Variants in PDE11A observed in about 807,000 individuals in gnomAD.
The protein encoded by PDE11A is phosphodiesterase 11A, also known as dual 3',5'-cyclic-AMP and -GMP phosphodiesterase 11A.
Under a neutral mutation model 100.5 loss-of-function variants are expected in PDE11A, and 100 were observed. The ratio of observed to expected loss-of-function variants is 1.00; its 90% CI spans 0.85 to 1.18. PDE11A has a LOEUF of 1.18. PDE11A is among the 50% of genes most tolerant of loss of function. The probability of loss-of-function intolerance (pLI) is 0.00; values close to 1 mark genes in which losing one functional copy is unlikely to be tolerated. For synonymous variants in PDE11A, 381 were observed against 420.8 expected (o/e 0.91, Z 1.16); for missense variants, 1,141 against 1,152.6 (o/e 0.99, Z 0.15).
At chr2:178,037,159 C>G (rs984819498) in intron 1 of PDE11A, among the ~76,000 whole-genome samples, 10 of 152,244 alleles carry the variant, frequency 6.6e-5, no homozygotes, top group Admixed American at 3.9e-4. Context: ...CTACCAGGAA[C>G]TTAAACAAAT....
intron 9 of PDE11A, among the ~76,000 whole-genome samples, chr2:177,788,244 C>T (rs1190542809): frequency 6.7e-6 from 1 of 150,286 alleles, no homozygotes; most frequent in South Asian, 2.1e-4. Flanking sequence ...TCACTCAAAA[C>T]CGCTCAACTA....
In PDE11A at chr2:178,035,835, G is replaced by A. The variant is rs555468707; in HGVS notation, c.913-21375C>T. ...TTCAATAAAATTCAACAGCCCTTACGCTAAAAACTCAGTAAACTAGGTATT... is the reference window on the plus strand; with the variant it reads ...TTCAATAAAATTCAACAGCCCTTACACTAAAAACTCAGTAAACTAGGTATT... On this transcript the variant is annotated intron_variant, in intron 1 of 19. Transcript: ENST00000286063. Among the ~76,000 whole-genome samples, 14 of 152,086 alleles carry A rather than the reference G, an allele frequency of 9.2e-5. No homozygotes were observed. The East Asian group carries it at 1.9e-3, about 21-fold the overall frequency.
intron 2 of PDE11A, among the ~76,000 whole-genome samples, chr2:177,932,875 A>T (rs977452705): frequency 2.0e-5 from 3 of 152,186 alleles, no homozygotes; most frequent in Admixed American, 1.3e-4. Context: ...AAGAAGTCAA[A>T]CTATCTCTTT....
rs572089173 is a variant in PDE11A at position 178,080,248 on chromosome 2, A to G, written c.162+24054T>C. The stretch of plus-strand genomic sequence containing the variant: ...GCCTATGTCTTGAATGGTATTGCTT[A>G]GATTTTCTTCTAGGGTTTTTATGGT... On this transcript the variant is annotated intron_variant, in intron 2 of 20. Coordinates refer to the PDE11A transcript ENST00000358450. Among the ~76,000 whole-genome samples, 189 of 152,270 alleles carry G rather than the reference A, an allele frequency of 1.2e-3. 4 individuals carry two copies. In the South Asian group the frequency reaches 0.039, roughly 31 times the overall value.
Position 177,833,739 on chromosome 2 carries a change from A to G in PDE11A, c.1500+6512T>C, listed in dbSNP as rs537667187. Among the ~76,000 whole-genome samples, 4 of 152,334 alleles carry G rather than the reference A, an allele frequency of 2.6e-5. No homozygotes were observed. The South Asian group carries it at 8.3e-4, about 32-fold the overall frequency. On this transcript the variant is annotated intron_variant, in intron 6 of 19. Transcript: ENST00000286063. ...GAATTGGGGTCAGTAAAAAGAATTC[A>G]TTGCCAGAATTAGCCACTGAGCTAT...
At chr2:177,768,920 G>T (rs1226641472) in intron 10 of PDE11A, among the ~76,000 whole-genome samples, 1 of 152,156 alleles carries the variant, frequency 6.6e-6, no homozygotes, top group Non-Finnish European at 1.5e-5. Flanking sequence ...CACACAGCAA[G>T]CACTTAGTGT....
chr2:177,696,011 G>A (rs544072709), intron 15 of PDE11A, among the ~76,000 whole-genome samples: 6 of 152,284 alleles, frequency 3.9e-5, no homozygotes, highest in East Asian at 3.9e-4. Context: ...GGCACAGGGG[G>A]CATTACACAG....
intron 12 of PDE11A, among the ~76,000 whole-genome samples, chr2:177,723,839 G>T (rs1389334950): frequency 1.3e-5 from 2 of 152,002 alleles, no homozygotes; most frequent in Non-Finnish European, 2.9e-5. Flanking sequence ...CGAAAAAAAT[G>T]TCTCTGCAAC....
chr2:177,989,214 G>A (rs1286204498), intron 2 of PDE11A, among the ~76,000 whole-genome samples: 4 of 152,146 alleles, frequency 2.6e-5, no homozygotes, highest in African/African-American at 4.8e-5. Context: ...ATGACAATAT[G>A]AGCAATCTAC....
intron 1 of PDE11A, among the ~76,000 whole-genome samples, chr2:178,054,468 C>T (rs1033614076): frequency 4.6e-5 from 7 of 152,132 alleles, no homozygotes; most frequent in African/African-American, 1.4e-4. Context: ...ATACCAAAAG[C>T]AATGGTAACA....
chr2:178,104,504 C>T, intron 1 of PDE11A: 1 of 1,577,606 alleles, frequency 6.3e-7, no homozygotes, highest in Non-Finnish European at 8.7e-7. Context: ...AACCACAAAC[C>T]AAAAAAATAT....
chr2:177,819,527 T>G (rs2083099715), intron 7 of PDE11A, among the ~76,000 whole-genome samples: 1 of 152,060 alleles, frequency 6.6e-6, no homozygotes, highest in South Asian at 2.1e-4. Flanking sequence ...GGCTTCTTTC[T>G]TGAATTTGAT....
At chr2:177,924,677 T>C (rs1013261788) in intron 2 of PDE11A, among the ~76,000 whole-genome samples, 1 of 152,092 alleles carries the variant, frequency 6.6e-6, no homozygotes, top group African/African-American at 2.4e-5. Context: ...CACAAATATA[T>C]ATCTTTATGG....
At chr2:178,021,019 T>C (rs1574346997) in intron 1 of PDE11A, among the ~76,000 whole-genome samples, 1 of 148,904 alleles carries the variant, frequency 6.7e-6, no homozygotes, top group East Asian at 2.0e-4. Flanking sequence ...TGGAGTGCAA[T>C]GGTGCAATCT....
intron 2 of PDE11A, among the ~76,000 whole-genome samples, chr2:178,087,826 G>GA (rs1165869389): frequency 1.3e-5 from 2 of 152,132 alleles, no homozygotes; most frequent in Non-Finnish European, 2.9e-5. Context: ...GAGTAGGGAG[G>GA]AAGGATATGG....
intron 2 of PDE11A, among the ~76,000 whole-genome samples, chr2:178,090,438 T>A (rs1480241529): frequency 6.6e-6 from 1 of 152,226 alleles, no homozygotes; most frequent in Non-Finnish European, 1.5e-5. Flanking sequence ...ATTTTTTTAA[T>A]GGAAATCTAC....
intron 5 of PDE11A, among the ~76,000 whole-genome samples, chr2:177,840,829 G>T (rs1359019328): frequency 6.6e-6 from 1 of 152,156 alleles, no homozygotes; most frequent in Non-Finnish European, 1.5e-5. Context: ...AATTACAAAT[G>T]CAGCAAAAGA....
chr2:177,758,960 T>C (rs1247093155), intron 10 of PDE11A, among the ~76,000 whole-genome samples: 4 of 152,142 alleles, frequency 2.6e-5, no homozygotes, highest in Non-Finnish European at 5.9e-5. Flanking sequence ...GTCTCTGGGG[T>C]TTTAGCCATT....
intron 9 of PDE11A, among the ~76,000 whole-genome samples, chr2:177,804,793 C>T (rs1025152245): frequency 7.9e-5 from 12 of 151,892 alleles, no homozygotes; most frequent in Non-Finnish European, 1.3e-4. Context: ...ATAGATGGAA[C>T]TGGAGGCCAT....
Sources: allele counts gnomAD v4.1 joint callset (sites outside exome capture counted in the v4.1 genomes callset), GRCh38; gene constraint gnomAD v4.1.1; transcripts MANE v1.5; gene names NCBI Gene and HGNC (gene_info 2026-07-23, HGNC 2026-07-21).